Variants in UBL3 observed in about 807,000 individuals in gnomAD.
UBL3 encodes ubiquitin like 3.
In UBL3, 6 loss-of-function variants were observed where a neutral mutation model predicts 18.4. The ratio of observed to expected loss-of-function variants is 0.33; its 90% confidence interval spans 0.18 to 0.64. The LOEUF (loss-of-function observed/expected upper bound fraction) is 0.64, where lower values mean the gene tolerates loss of function less well. UBL3 is among the 30% of genes least tolerant of loss of function. The pLI, the probability that UBL3 is intolerant of heterozygous loss-of-function variation, is 0.76. For missense variants in UBL3, 109 were observed against 142.9 expected (o/e 0.76, Z 1.21); for synonymous variants, 49 against 46.6 (o/e 1.05, Z -0.21).
intron 1 of UBL3, among the ~76,000 whole-genome samples, chr13:29,842,372 TG>T (rs1229157371): frequency 2.6e-5 from 4 of 152,166 alleles, no homozygotes; most frequent in Middle Eastern, 3.4e-3. Context: ...TTGGTCAGGG[TG>T]GTCTCGAACT....
chr13:29,810,532 G>C (rs1450882001), intron 1 of UBL3, among the ~76,000 whole-genome samples: 19 of 152,114 alleles, frequency 1.2e-4, no homozygotes, highest in Non-Finnish European at 1.5e-5. Context: ...ACTGTTTTAA[G>C]TGCTGCTGAG....
chr13:29,835,165 T>TAA (rs1566001164), intron 1 of UBL3, among the ~76,000 whole-genome samples: 2 of 49,850 alleles, frequency 4.0e-5, no homozygotes, highest in Non-Finnish European at 7.0e-5. Flanking sequence ...TATATATATA[T>TAA]ATATATATAT....
chr13:29,805,694 G>A (rs1877882298), intron 1 of UBL3, among the ~76,000 whole-genome samples: 1 of 152,076 alleles, frequency 6.6e-6, no homozygotes, highest in Non-Finnish European at 1.5e-5. Flanking sequence ...AAGAAGCTGA[G>A]ATGATAGAAC....
At chr13:29,840,559 A>AC (rs1295460602) in intron 1 of UBL3, among the ~76,000 whole-genome samples, 2 of 28,598 alleles carry the variant, frequency 7.0e-5, no homozygotes, top group African/African-American at 1.6e-4. Context: ...CATGAACAAA[A>AC]AAAAACTCAA....
At chr13:29,781,061 G>C (rs1459724371) in intron 1 of UBL3, among the ~76,000 whole-genome samples, 1 of 152,076 alleles carries the variant, frequency 6.6e-6, no homozygotes, top group Non-Finnish European at 1.5e-5. Flanking sequence ...TGTAGTCCCG[G>C]CTACTTGGGA....
At chr13:29,775,041 A>G (rs183795477) in intron 2 of UBL3, among the ~76,000 whole-genome samples, 4 of 152,216 alleles carry the variant, frequency 2.6e-5, no homozygotes, top group Non-Finnish European at 4.4e-5. Context: ...ATACTGTATA[A>G]ATAAAGGTTT....
chr13:29,796,087 T>C (rs951932446), intron 1 of UBL3, among the ~76,000 whole-genome samples: 2 of 152,216 alleles, frequency 1.3e-5, no homozygotes, highest in African/African-American at 4.8e-5. Flanking sequence ...GGAAGAAGCA[T>C]GTTAGAGCTG....
chr13:29,827,322 C>T lies in UBL3; in HGVS notation c.27+22190G>A, dbSNP rs192057721. Among the ~76,000 whole-genome samples the T allele has an allele frequency of 5.9e-5, 9 of 152,276 alleles. No homozygotes were observed. The East Asian group carries it at 1.2e-3, about 20-fold the overall frequency. On this transcript the variant is annotated intron_variant, in intron 1 of 4. Coordinates refer to ENST00000380680, the MANE Select transcript of UBL3 (RefSeq NM_007106.4). ...ATTGTTATTGTGTGGGAGTCTAATT[C>T]TCTTTGTAGGTCTCCAAGGATTTGC... is the stretch of plus-strand genomic sequence containing the variant.
At chr13:29,780,181 C>T (rs1297892551) in intron 1 of UBL3, among the ~76,000 whole-genome samples, 6 of 151,214 alleles carry the variant, frequency 4.0e-5, no homozygotes, top group Admixed American at 1.3e-4. Flanking sequence ...AGTGAAACCC[C>T]GTCTCTACTA....
At chr13:29,848,403 G>A (rs1047174932) in intron 1 of UBL3, among the ~76,000 whole-genome samples, 1 of 151,830 alleles carries the variant, frequency 6.6e-6, no homozygotes, top group South Asian at 2.1e-4. Flanking sequence ...GTTGCAGTGA[G>A]CCGAGATCGC....
intron 1 of UBL3, among the ~76,000 whole-genome samples, chr13:29,806,547 G>A (rs1382449491): frequency 1.3e-5 from 2 of 152,114 alleles, no homozygotes; most frequent in East Asian, 3.9e-4. Flanking sequence ...ATAAGTAAAG[G>A]GTAGGGCTGG....
chr13:29,796,266 T>C (rs1187401374), intron 1 of UBL3, among the ~76,000 whole-genome samples: 1 of 152,096 alleles, frequency 6.6e-6, no homozygotes, highest in Non-Finnish European at 1.5e-5. Context: ...ATTTGATTTA[T>C]GAAAATTACA....
chr13:29,828,406 C>T (rs369074203), intron 1 of UBL3, among the ~76,000 whole-genome samples: 1 of 152,160 alleles, frequency 6.6e-6, no homozygotes, highest in African/African-American at 2.4e-5. Context: ...AACTTCTCTT[C>T]CCCCTTCATT....
Position 29,767,266 on chromosome 13 carries a change from C to T in UBL3, c.343G>A (p.Val115Ile). ...REKTGESNCCVIL is the reference protein window; with the variant it reads ...REKTGESNCCIIL ...TAGGCAGACAGTGTTTACAGGATTA[C>T]ACAACAATTACTCTCTCCAGTCTTC... The change falls in exon 5 of 5, where the codon GTA (valine) becomes ATA (isoleucine). Residue 115 changes from valine to isoleucine, a missense_variant. Transcript: ENST00000380680. The T allele has an allele frequency of 4.3e-6, 7 of 1,613,180 alleles. No individual in the cohort carries two copies. The highest frequency in any genetic ancestry group is 5.9e-6 in the Non-Finnish European group (7 of 1,179,324).
chr13:29,777,282 T>C lies in UBL3; in HGVS notation c.28-19A>G, dbSNP rs1201589901. On this transcript the variant is annotated intron_variant, in intron 1 of 4. Coordinates refer to ENST00000380680, the MANE Select transcript of UBL3 (RefSeq NM_007106.4). ...AATTTATCTGAAAGAAGACAATGAT[T>C]CTTTTAACATAAATCTAAAAATTTT... 6.3e-7 allele frequency: 1 copy of C among 1,577,196 alleles called. No individual in the cohort carries two copies. Among genetic ancestry groups the C allele is most frequent in the Non-Finnish European group, 8.6e-7 (1 of 1,162,044 alleles).
At chr13:29,825,383 A>G (rs9551747) in intron 1 of UBL3, among the ~76,000 whole-genome samples, 9,303 of 152,216 alleles carry the variant, frequency 0.061, 406 homozygotes, top group East Asian at 0.17. Context: ...TTCGTTGAGC[A>G]GTGGTTTGTA....
intron 1 of UBL3, among the ~76,000 whole-genome samples, chr13:29,785,783 C>T (rs902658794): frequency 2.0e-5 from 3 of 152,168 alleles, no homozygotes; most frequent in Non-Finnish European, 4.4e-5. Flanking sequence ...TAATATGAAA[C>T]TCCTTGAGGA....
At chr13:29,779,025 T>C (rs1877075126) in intron 1 of UBL3, among the ~76,000 whole-genome samples, 1 of 152,184 alleles carries the variant, frequency 6.6e-6, no homozygotes, top group African/African-American at 2.4e-5. Context: ...TTATACCAAA[T>C]AGCTGAATAC....
At position 29,777,142 on chromosome 13, in the gene UBL3, A is replaced by G; in HGVS notation, c.136+13T>C. The G allele has an allele frequency of 6.4e-7, 1 of 1,564,178 alleles. No homozygotes were observed. The highest frequency in any genetic ancestry group is 8.7e-7 in the Non-Finnish European group (1 of 1,151,588). The stretch of plus-strand genomic sequence containing the variant: ...TCAACATTATTCATACTCAAGAGAA[A>G]AATATCACTCACCCATTGGCCAATT... On this transcript the variant is annotated intron_variant, in intron 2 of 4. Transcript: ENST00000380680.
Sources: gnomAD v4.1 joint callset for allele counts (sites outside exome capture counted in the v4.1 genomes callset) on GRCh38, gnomAD v4.1.1 for gene constraint, MANE v1.5 for transcripts, NCBI Gene and HGNC (gene_info 2026-07-23, HGNC 2026-07-21) for gene names.